The following COX7B2 variants were observed in gnomAD, a reference collection of about 807,000 sequenced individuals.
COX7B2 encodes cytochrome c oxidase subunit 7B2, also known as cytochrome c oxidase subunit 7B2, mitochondrial.
For missense variants in COX7B2, 109 were observed against 95.9 expected (o/e 1.14, Z -0.57); for synonymous variants, 37 against 32.1 (o/e 1.15, Z -0.51).
intron 2 of COX7B2, among the ~76,000 whole-genome samples, chr4:46,840,153 T>TG (rs145151163): frequency 0.024 from 3,718 of 151,978 alleles, 141 homozygotes; most frequent in African/African-American, 0.085. Context: ...GCAAGGTGAC[T>TG]CTCTAGTTCC....
intron 2 of COX7B2, among the ~76,000 whole-genome samples, chr4:46,788,543 C>T (rs1341728180): frequency 6.6e-6 from 1 of 152,026 alleles, no homozygotes; most frequent in Non-Finnish European, 1.5e-5. Flanking sequence ...AAAAGAATTC[C>T]TAGCCAACAT....
intron 2 of COX7B2, among the ~76,000 whole-genome samples, chr4:46,812,291 C>A (rs945202311): frequency 2.6e-5 from 4 of 151,956 alleles, no homozygotes; most frequent in African/African-American, 9.7e-5. Flanking sequence ...GAGGCACATC[C>A]CAGTAGCTTT....
intron 2 of COX7B2, among the ~76,000 whole-genome samples, chr4:46,782,193 T>C (rs1373487134): frequency 6.6e-6 from 1 of 152,160 alleles, no homozygotes; most frequent in Non-Finnish European, 1.5e-5. Context: ...CAGCACTCTG[T>C]GTCTAGGTCA....
chr4:46,904,129 A>G (rs1445725308), intron 1 of COX7B2: 1 of 152,200 alleles, frequency 6.6e-6, no homozygotes, highest in Non-Finnish European at 1.5e-5. Flanking sequence ...ATGAAGTACT[A>G]AATGAAAACA....
At chr4:46,827,302 C>T (rs370116111) in intron 2 of COX7B2, among the ~76,000 whole-genome samples, 47 of 152,084 alleles carry the variant, frequency 3.1e-4, no homozygotes, top group African/African-American at 1.1e-3. Context: ...AAGAAAATCA[C>T]AACCGAGAAA....
intron 2 of COX7B2, among the ~76,000 whole-genome samples, chr4:46,841,807 G>C (rs1371236580): frequency 6.6e-6 from 1 of 151,976 alleles, no homozygotes. Flanking sequence ...CTAATGAAAT[G>C]AGAAACTTAT....
intron 2 of COX7B2, among the ~76,000 whole-genome samples, chr4:46,741,341 C>T (rs1195961021): frequency 6.6e-6 from 1 of 151,984 alleles, no homozygotes; most frequent in Non-Finnish European, 1.5e-5. Flanking sequence ...TAATCCTGTG[C>T]ATTGTAAGAT....
intron 1 of COX7B2, among the ~76,000 whole-genome samples, chr4:46,857,669 G>GT (rs1333140582): frequency 1.3e-5 from 2 of 152,268 alleles, no homozygotes; most frequent in East Asian, 3.9e-4. Context: ...ACATATTTAT[G>GT]TAACAGCCAA....
chr4:46,775,767 A>C (rs1717122317), intron 2 of COX7B2, among the ~76,000 whole-genome samples: 1 of 152,146 alleles, frequency 6.6e-6, no homozygotes, highest in Admixed American at 6.6e-5. Flanking sequence ...AATTTTGGTT[A>C]AACACAAAAA....
At chr4:46,816,733 T>C (rs1227134491) in intron 2 of COX7B2, among the ~76,000 whole-genome samples, 1 of 152,212 alleles carries the variant, frequency 6.6e-6, no homozygotes, top group Non-Finnish European at 1.5e-5. Context: ...AGGGATTCAC[T>C]TGAAGCAGAA....
At chr4:46,886,462 C>T (rs1299837948) in intron 1 of COX7B2, among the ~76,000 whole-genome samples, 1 of 152,110 alleles carries the variant, frequency 6.6e-6, no homozygotes, top group Non-Finnish European at 1.5e-5. Flanking sequence ...ACTATAATTT[C>T]CCTATTGTAC....
At chr4:46,753,805 A>G (rs537568928) in intron 2 of COX7B2, among the ~76,000 whole-genome samples, 1 of 152,280 alleles carries the variant, frequency 6.6e-6, no homozygotes, top group Non-Finnish European at 1.5e-5. Context: ...AATTTTTGCA[A>G]TCTACCCATC....
At chr4:46,750,362 C>G (rs1449408529) in intron 2 of COX7B2, among the ~76,000 whole-genome samples, 1 of 151,944 alleles carries the variant, frequency 6.6e-6, no homozygotes, top group East Asian at 1.9e-4. Flanking sequence ...CCACTGCACT[C>G]CATCAGCCTG....
At chr4:46,893,077 A>G (rs1451614497) in intron 1 of COX7B2, among the ~76,000 whole-genome samples, 1 of 152,174 alleles carries the variant, frequency 6.6e-6, no homozygotes, top group East Asian at 1.9e-4. Context: ...TCCTTTATAA[A>G]TTACCCAGTC....
intron 1 of COX7B2, among the ~76,000 whole-genome samples, chr4:46,851,209 A>C (rs183398421): frequency 6.6e-6 from 1 of 152,198 alleles, no homozygotes; most frequent in African/African-American, 2.4e-5. Context: ...TCTTGAGATA[A>C]CTTGAGCAAG....
At chr4:46,739,960 G>GA (rs1453504534) in intron 2 of COX7B2, among the ~76,000 whole-genome samples, 2 of 151,772 alleles carry the variant, frequency 1.3e-5, no homozygotes, top group East Asian at 3.9e-4. Context: ...CTTTGCTGTT[G>GA]AGTTAACAAT....
At chr4:46,814,914 G>T (rs112372875) in intron 2 of COX7B2, among the ~76,000 whole-genome samples, 1 of 152,186 alleles carries the variant, frequency 6.6e-6, no homozygotes, top group Admixed American at 6.5e-5. Context: ...GGCCAGGCAC[G>T]TTGGCTCATG....
At chr4:46,873,920 G>GT (rs1033159051) in intron 1 of COX7B2, among the ~76,000 whole-genome samples, 14 of 152,074 alleles carry the variant, frequency 9.2e-5, no homozygotes, top group African/African-American at 3.1e-4. Context: ...AACATGCAGT[G>GT]TTTTTTAAGT....
intron 1 of COX7B2, among the ~76,000 whole-genome samples, chr4:46,899,659 A>G (rs1719973430): frequency 6.6e-6 from 1 of 152,194 alleles, no homozygotes; most frequent in Admixed American, 6.5e-5. Flanking sequence ...CTCCAGGCTC[A>G]TGATAGACTT....
Sources: allele counts gnomAD v4.1 joint callset (sites outside exome capture counted in the v4.1 genomes callset), GRCh38; gene constraint gnomAD v4.1.1; transcripts MANE v1.5; gene names NCBI Gene and HGNC (gene_info 2026-07-23, HGNC 2026-07-21).